The following MIA2 variants were observed in gnomAD, a reference collection of about 807,000 sequenced individuals.
MIA2 encodes the protein melanoma inhibitory activity protein 2.
A neutral mutation model predicts 167.8 loss-of-function variants in MIA2; 127 were observed. The observed-to-expected ratio is 0.76, with a 90% CI of 0.66 to 0.88. The LOEUF (loss-of-function observed/expected upper bound fraction) is 0.88, where lower values mean the gene tolerates loss of function less well. MIA2 is among the 40% of genes least tolerant of loss of function. MIA2 has a pLI of 0.00. For missense variants in MIA2, 1,690 were observed against 1,624.7 expected (o/e 1.04, Z -0.69); for synonymous variants, 552 against 541.9 (o/e 1.02, Z -0.26).
chr14:39,316,813 A>C (rs1373374715), intron 21 of MIA2, among the ~76,000 whole-genome samples: 3 of 152,170 alleles, frequency 2.0e-5, no homozygotes, highest in African/African-American at 7.2e-5. Flanking sequence ...AGAGGTCCAC[A>C]CACAGTCCCA....
At chr14:39,293,162 T>C (rs2060960297) in intron 10 of MIA2, 109 bp from the exon 11 acceptor site, 2 of 778,748 alleles carry the variant, frequency 2.6e-6, no homozygotes, top group Admixed American at 5.8e-5. Context: ...TGAGCAAATG[T>C]ATAAATGAAA....
At chr14:39,330,162 T>C (rs2068493989) in intron 25 of MIA2, among the ~76,000 whole-genome samples, 1 of 152,212 alleles carries the variant, frequency 6.6e-6, no homozygotes, top group African/African-American at 2.4e-5. Flanking sequence ...TACTGATCTA[T>C]TCAGGAATTT....
chr14:39,299,305 C>CTTTTTTTT (rs34424266), intron 13 of MIA2, among the ~76,000 whole-genome samples: 989 of 95,100 alleles, frequency 0.01, 65 homozygotes, highest in Non-Finnish European at 0.014. Flanking sequence ...AATGGTATTT[C>CTTTTTTTT]TTTTTTTTTT....
At chr14:39,327,278 T>G (rs888787175) in intron 25 of MIA2, among the ~76,000 whole-genome samples, 1 of 152,202 alleles carries the variant, frequency 6.6e-6, no homozygotes, top group Admixed American at 6.5e-5. Context: ...CATGTTTACT[T>G]TAGAAAATCC....
At chr14:39,242,650 T>C (rs1202041976) in intron 3 of MIA2, among the ~76,000 whole-genome samples, 6 of 152,058 alleles carry the variant, frequency 3.9e-5, no homozygotes, top group African/African-American at 1.4e-4. Flanking sequence ...CAATTAGTTT[T>C]TTCTGTTGTT....
Position 39,295,040 on chromosome 14 carries a change from C to A in MIA2, c.2496+11C>A. 6.5e-7 allele frequency: 1 copy of A among 1,536,292 alleles called. No homozygotes were observed. Among genetic ancestry groups the A allele is most frequent in the South Asian group, 1.1e-5 (1 of 89,358 alleles). Reference sequence around the variant, plus strand: ...GAAAGCCAGAAACAGGTTTGTGCTCCGTAGGGACTCTTCAACTTGTGAATA... The same window carrying A: ...GAAAGCCAGAAACAGGTTTGTGCTCAGTAGGGACTCTTCAACTTGTGAATA... On this transcript the variant is annotated intron_variant, in intron 13 of 28. Coordinates refer to ENST00000640607, the MANE Select transcript of MIA2 (RefSeq NM_001329214.4).
At chr14:39,344,497 C>G (rs192226409) in intron 25 of MIA2, among the ~76,000 whole-genome samples, 110 of 152,278 alleles carry the variant, frequency 7.2e-4, no homozygotes, top group Non-Finnish European at 1.1e-3. Context: ...GTATCTTTCT[C>G]TCCTCAGTCA....
chr14:39,311,481 T>G (rs2064249191), intron 18 of MIA2, among the ~76,000 whole-genome samples: 1 of 142,340 alleles, frequency 7.0e-6, no homozygotes, highest in African/African-American at 2.6e-5. Flanking sequence ...TTTTTTTTTT[T>G]TTTTTTTTTT....
At chr14:39,359,765 T>C (rs117691250) in intron 23 of MIA2, among the ~76,000 whole-genome samples, 1 of 152,226 alleles carries the variant, frequency 6.6e-6, no homozygotes, top group Non-Finnish European at 1.5e-5. Flanking sequence ...GTGTCTTTGC[T>C]ATTGTCAGTA....
intron 23 of MIA2, chr14:39,370,513 GC>G: frequency 3.4e-6 from 1 of 292,256 alleles, no homozygotes; most frequent in Non-Finnish European, 7.2e-6. Flanking sequence ...CACTTTGTAG[GC>G]CAGATTGTCA....
chr14:39,286,691 T>TC (rs1181517135), intron 9 of MIA2, among the ~76,000 whole-genome samples: 1 of 105,366 alleles, frequency 9.5e-6, no homozygotes, highest in Non-Finnish European at 1.9e-5. Context: ...CTTCCTTCCT[T>TC]CTTACTTTTT....
At chr14:39,245,059 T>C (rs933032707) in intron 3 of MIA2, among the ~76,000 whole-genome samples, 2 of 143,258 alleles carry the variant, frequency 1.4e-5, no homozygotes, top group African/African-American at 5.1e-5. Context: ...ATTACAGGCA[T>C]GGGCCGCCGC....
Position 39,247,655 on chromosome 14 carries a change from G to GA in MIA2, c.1089dup (p.Asp364ArgfsTer5), listed in dbSNP as rs538500709. The GA allele has an allele frequency of 3.4e-5, 55 of 1,603,962 alleles. No individual in the cohort carries two copies. The highest frequency in any genetic ancestry group is 2.7e-4 in the East Asian group (12 of 44,812). On this transcript the variant is annotated frameshift_variant, in exon 4 of 29. Transcript: ENST00000640607. LOFTEE classifies it high-confidence loss of function. ...AGTTCCATGTACAGAAATATTAACA[G>GA]AAAAAAAAGACACAATCACTAATGA...
At chr14:39,265,411 C>T (rs2055434429) in intron 6 of MIA2, 7 of 1,610,358 alleles carry the variant, frequency 4.3e-6, no homozygotes, top group Non-Finnish European at 5.9e-6. Context: ...TTGAAAAGTC[C>T]AGAGGAAGAG....
intron 23 of MIA2, among the ~76,000 whole-genome samples, chr14:39,375,628 CAG>C (rs1238046715): frequency 2.0e-5 from 3 of 152,118 alleles, no homozygotes; most frequent in Non-Finnish European, 4.4e-5. Flanking sequence ...ACCCGGGAGA[CAG>C]AAGTTGCAGT....
intron 6 of MIA2, among the ~76,000 whole-genome samples, chr14:39,271,572 A>T (rs2057149794): frequency 2.0e-5 from 3 of 152,082 alleles, no homozygotes; most frequent in South Asian, 4.1e-4. Context: ...AGGCAGTTGG[A>T]ATTTTAATAG....
intron 4 of MIA2, among the ~76,000 whole-genome samples, chr14:39,248,824 C>A (rs77971512): frequency 6.6e-6 from 1 of 152,036 alleles, no homozygotes. Flanking sequence ...ACCGCAGCCT[C>A]GACCTCCTGG....
Position 39,326,670 on chromosome 14 carries a change from A to G in MIA2, c.3497-194A>G, listed in dbSNP as rs2067616171. 2.0e-5 allele frequency among the ~76,000 whole-genome samples: 3 copies of G among 149,618 alleles called. No individual in the cohort carries two copies. In the Admixed American group the frequency reaches 2.0e-4, roughly 10 times the overall value. ...TATTTTATATTATATTTTTTATTTA[A>G]TCAGTTCTTATAATTACTTTATAAT... On this transcript the variant is annotated intron_variant, in intron 24 of 28. Transcript: ENST00000640607.
chr14:39,326,482 T>C (rs990205727), intron 24 of MIA2, among the ~76,000 whole-genome samples: 5 of 152,112 alleles, frequency 3.3e-5, no homozygotes, highest in Admixed American at 1.3e-4. Flanking sequence ...AAAAATACTT[T>C]AGTAGCAAAA....
Sources: allele counts gnomAD v4.1 joint callset (sites outside exome capture counted in the v4.1 genomes callset), GRCh38; gene constraint gnomAD v4.1.1; transcripts MANE v1.5; gene names NCBI Gene and HGNC (gene_info 2026-07-23, HGNC 2026-07-21).